Variants in SEC24B observed in about 807,000 individuals in gnomAD.
SEC24B encodes the protein protein transport protein Sec24B.
Under a neutral mutation model 142.8 loss-of-function variants are expected in SEC24B, and 45 were observed. The observed-to-expected ratio is 0.32, with a 90% confidence interval of 0.25 to 0.40. The LOEUF (loss-of-function observed/expected upper bound fraction) is 0.40. SEC24B is among the 10% of genes least tolerant of loss of function. The probability of loss-of-function intolerance (pLI) is 1.00; values close to 1 mark genes in which losing one functional copy is unlikely to be tolerated. For missense variants in SEC24B, 1,409 were observed against 1,526.8 expected, an observed-to-expected ratio of 0.92 and a Z score of 1.29; for synonymous variants, 574 against 568.2, an observed-to-expected ratio of 1.01 and a Z score of -0.15.
intron 6 of SEC24B, among the ~76,000 whole-genome samples, chr4:109,498,094 CT>C (rs1003150420): frequency 7.2e-5 from 11 of 152,230 alleles, no homozygotes; most frequent in African/African-American, 2.2e-4. Flanking sequence ...GAATTAAGCA[CT>C]TTTTTTCTCT....
intron 22 of SEC24B, among the ~76,000 whole-genome samples, chr4:109,537,489 T>C (rs746841344): frequency 3.9e-5 from 6 of 152,166 alleles, no homozygotes; most frequent in Non-Finnish European, 8.8e-5. Flanking sequence ...GAATACAGTC[T>C]GGGGCACTGT....
At chr4:109,440,666 G>A (rs904556061) in intron 1 of SEC24B, among the ~76,000 whole-genome samples, 7 of 152,114 alleles carry the variant, frequency 4.6e-5, no homozygotes, top group African/African-American at 1.7e-4. Context: ...AAAGTACTTA[G>A]CCCTAGAAGG....
At position 109,500,248 on chromosome 4, in the gene SEC24B, T is replaced by C. The variant is rs188650691; in HGVS notation, c.1488+5392T>C. The stretch of plus-strand genomic sequence containing the variant: ...CAAAAGTCATTGCGGTTCTTGCCAT[T>C]GAAAGTAGTGACAGGCCAGGCGCAT... On this transcript the variant is annotated intron_variant, in intron 6 of 23. Coordinates refer to ENST00000265175, the MANE Select transcript of SEC24B (RefSeq NM_006323.5). 2.6e-5 allele frequency among the ~76,000 whole-genome samples: 4 copies of C among 152,196 alleles called. No homozygotes were observed. The East Asian group carries it at 5.8e-4, about 22-fold the overall frequency.
intron 3 of SEC24B, among the ~76,000 whole-genome samples, chr4:109,473,936 C>T (rs1158776130): frequency 6.6e-6 from 1 of 152,126 alleles, no homozygotes; most frequent in Non-Finnish European, 1.5e-5. Context: ...ATTTTAGGGA[C>T]TGTACTCACT....
At chr4:109,460,338 T>G (rs541499057) in intron 1 of SEC24B, among the ~76,000 whole-genome samples, 39 of 152,318 alleles carry the variant, frequency 2.6e-4, no homozygotes, top group Non-Finnish European at 5.0e-4. Flanking sequence ...ACTTCCTTTG[T>G]GTACTTGTGT....
chr4:109,493,560 A>C (rs1193213642), intron 5 of SEC24B, among the ~76,000 whole-genome samples: 1 of 151,766 alleles, frequency 6.6e-6, no homozygotes, highest in Admixed American at 6.6e-5. Flanking sequence ...TCATTCATTA[A>C]ATACATTTTA....
At chr4:109,501,376 T>C (rs1736125607) in intron 6 of SEC24B, among the ~76,000 whole-genome samples, 2 of 152,254 alleles carry the variant, frequency 1.3e-5, no homozygotes, top group Admixed American at 1.3e-4. Flanking sequence ...TCTCAGAACA[T>C]GTCCTCATCA....
At chr4:109,436,869 T>G (rs1210369849) in intron 1 of SEC24B, among the ~76,000 whole-genome samples, 1 of 152,230 alleles carries the variant, frequency 6.6e-6, no homozygotes, top group Non-Finnish European at 1.5e-5. Context: ...GCCCCCATCC[T>G]TTGCCCTGTA....
intron 1 of SEC24B, among the ~76,000 whole-genome samples, chr4:109,440,690 G>C (rs1032015846): frequency 6.6e-6 from 1 of 152,182 alleles, no homozygotes; most frequent in Non-Finnish European, 1.5e-5. Context: ...TTAGCAATTA[G>C]AGTCCCTCCC....
At chr4:109,469,463 T>G (rs1261409708) in intron 2 of SEC24B, among the ~76,000 whole-genome samples, 1 of 152,204 alleles carries the variant, frequency 6.6e-6, no homozygotes, top group Non-Finnish European at 1.5e-5. Flanking sequence ...ATTATCCAGA[T>G]AAACACAAAT....
chr4:109,514,056 A>T (rs1052477856), intron 10 of SEC24B, among the ~76,000 whole-genome samples, 200 bp downstream of exon 10: 1 of 152,232 alleles, frequency 6.6e-6, no homozygotes, highest in Non-Finnish European at 1.5e-5. Context: ...CTTTCTATGA[A>T]TAAGAAATGT....
At chr4:109,535,006 A>G (rs1725359683) in intron 22 of SEC24B, among the ~76,000 whole-genome samples, 1 of 152,202 alleles carries the variant, frequency 6.6e-6, no homozygotes, top group Non-Finnish European at 1.5e-5. Flanking sequence ...ACTGAAAAAT[A>G]GTCCATTGTA....
chr4:109,459,014 CAAGA>C (rs1730990477), intron 1 of SEC24B, among the ~76,000 whole-genome samples: 1 of 151,868 alleles, frequency 6.6e-6, no homozygotes, highest in Non-Finnish European at 1.5e-5. Flanking sequence ...TTTTGAATCC[CAAGA>C]AAGATCACAG....
intron 11 of SEC24B, 35 bp downstream of exon 11, chr4:109,516,675 G>A: frequency 8.7e-7 from 1 of 1,150,786 alleles, no homozygotes. Context: ...ATACATATGT[G>A]TATGTTATAT....
intron 6 of SEC24B, among the ~76,000 whole-genome samples, chr4:109,503,408 T>A (rs1425805599): frequency 6.6e-6 from 1 of 152,096 alleles, no homozygotes; most frequent in Admixed American, 6.6e-5. Flanking sequence ...CAATTTTTAG[T>A]AGAGATGGGG....
intron 1 of SEC24B, among the ~76,000 whole-genome samples, chr4:109,435,624 T>A (rs1308376076): frequency 6.6e-6 from 1 of 152,238 alleles, no homozygotes; most frequent in Non-Finnish European, 1.5e-5. Flanking sequence ...CTCAGCCAAG[T>A]GTAATCAGGA....
chr4:109,490,005 A>G (rs1413571416), intron 4 of SEC24B, among the ~76,000 whole-genome samples: 2 of 152,104 alleles, frequency 1.3e-5, no homozygotes, highest in African/African-American at 2.4e-5. Flanking sequence ...AAGGCACTGC[A>G]TAAATATTAG....
chr4:109,462,763 G>A (rs1561085286), intron 1 of SEC24B, 138 bp from the exon 2 acceptor site: 17 of 685,234 alleles, frequency 2.5e-5, no homozygotes, highest in Non-Finnish European at 2.2e-5. Context: ...CTACCATAAT[G>A]GGTCTATAAC....
chr4:109,538,840 G>C (rs1271315990), intron 23 of SEC24B, among the ~76,000 whole-genome samples: 2 of 152,048 alleles, frequency 1.3e-5, no homozygotes, highest in African/African-American at 4.8e-5. Context: ...GCAGTGCAGG[G>C]GTGCTGCTAT....
Sources: gnomAD v4.1 joint callset for allele counts (sites outside exome capture counted in the v4.1 genomes callset) on GRCh38, gnomAD v4.1.1 for gene constraint, MANE v1.5 for transcripts, NCBI Gene and HGNC (gene_info 2026-07-23, HGNC 2026-07-21) for gene names.